Variants in ERC2 observed in about 807,000 individuals in gnomAD.
ERC2 encodes the protein ERC protein 2.
ERC2 carries 42 observed loss-of-function variants against 114.8 expected under a neutral mutation model. That is an observed-to-expected ratio of 0.37 (90% CI 0.29 to 0.47). The LOEUF (loss-of-function observed/expected upper bound fraction) is 0.47, where lower values mean the gene tolerates loss of function less well. Among genes scored for constraint, ERC2 ranks in the 20% least tolerant of loss-of-function variants. The probability of loss-of-function intolerance (pLI) is 0.99; values close to 1 mark genes in which losing one functional copy is unlikely to be tolerated. For synonymous variants in ERC2, 454 were observed against 425.5 expected (o/e 1.07, Z -0.82); for missense variants, 939 against 1,150.7 (o/e 0.82, Z 2.66).
chr3:56,414,700 G>A (rs1354463453), intron 2 of ERC2, among the ~76,000 whole-genome samples: 1 of 150,638 alleles, frequency 6.6e-6, no homozygotes, highest in Non-Finnish European at 1.5e-5. Flanking sequence ...GCTCCACCCA[G>A]GGCGACAGAG....
intron 14 of ERC2, among the ~76,000 whole-genome samples, chr3:55,827,184 T>C (rs17056030): frequency 0.03 from 4,528 of 150,766 alleles, 248 homozygotes; most frequent in African/African-American, 0.1. Flanking sequence ...TATTTAGTCA[T>C]TCCCTCATTG....
At chr3:55,601,063 G>A (rs374295980) in intron 17 of ERC2, among the ~76,000 whole-genome samples, 4 of 152,240 alleles carry the variant, frequency 2.6e-5, no homozygotes, top group South Asian at 4.1e-4. Context: ...TAACACAAAC[G>A]AAGGAAGTGA....
At chr3:56,452,329 T>C (rs971111969) in intron 1 of ERC2, among the ~76,000 whole-genome samples, 2 of 152,174 alleles carry the variant, frequency 1.3e-5, no homozygotes, top group Non-Finnish European at 2.9e-5. Flanking sequence ...ATGAATATGG[T>C]GGGAAAATTG....
intron 17 of ERC2, among the ~76,000 whole-genome samples, chr3:55,539,379 T>TC (rs994397324): frequency 6.6e-6 from 1 of 150,470 alleles, no homozygotes; most frequent in Admixed American, 6.6e-5. Context: ...TCTTTTATTT[T>TC]CTTTTTTCTT....
intron 3 of ERC2, among the ~76,000 whole-genome samples, chr3:56,188,519 G>T (rs1395055523): frequency 6.6e-6 from 1 of 152,192 alleles, no homozygotes; most frequent in Admixed American, 6.5e-5. Flanking sequence ...CTGCAGACAC[G>T]TGCCACACTT....
intron 3 of ERC2, among the ~76,000 whole-genome samples, chr3:56,210,962 A>T (rs2049022255): frequency 6.6e-6 from 1 of 152,174 alleles, no homozygotes. Context: ...TATCACCACC[A>T]AGGGGGCAAA....
intron 12 of ERC2, among the ~76,000 whole-genome samples, chr3:55,954,451 G>A (rs1206610307): frequency 7.2e-5 from 11 of 152,176 alleles, no homozygotes; most frequent in Non-Finnish European, 1.5e-5. Flanking sequence ...TAAGAATAAA[G>A]TGTTCTCTAA....
intron 6 of ERC2, among the ~76,000 whole-genome samples, chr3:56,098,571 T>C (rs559772017): frequency 6.6e-6 from 1 of 152,184 alleles, no homozygotes; most frequent in Non-Finnish European, 1.5e-5. Context: ...AGACTGGTCA[T>C]TGGAAATGTT....
intron 17 of ERC2, among the ~76,000 whole-genome samples, chr3:55,565,471 T>G (rs980909364): frequency 1.3e-5 from 2 of 152,138 alleles, no homozygotes; most frequent in Non-Finnish European, 2.9e-5. Context: ...CCCTTTGCCG[T>G]GCACTTGTCT....
At chr3:56,040,755 T>G (rs939783725) in intron 7 of ERC2, among the ~76,000 whole-genome samples, 6 of 137,598 alleles carry the variant, frequency 4.4e-5, no homozygotes, top group East Asian at 2.2e-4. Flanking sequence ...GAGAGAGATA[T>G]AGATACATAG....
At chr3:55,539,415 C>CTTTTTTTTTTTTTTTTTTTCTTT (rs2054229307) in intron 17 of ERC2, among the ~76,000 whole-genome samples, 1 of 39,092 alleles carries the variant, frequency 2.6e-5, no homozygotes, top group Non-Finnish European at 4.6e-5. Flanking sequence ...TTTTTTCTTT[C>CTTTTTTTTTTTTTTTTTTTCTTT]TTTTTTTTTT....
Position 55,707,282 on chromosome 3 carries a change from A to G in ERC2, c.2713-7770T>C, listed in dbSNP as rs116501789. On this transcript the variant is annotated intron_variant, in intron 15 of 17. Coordinates refer to ENST00000288221, the MANE Select transcript of ERC2 (RefSeq NM_015576.3). ...AACCCCACGTCTACAAAAACAAAATACAAAAAATAAGCTAAGTGTGGTGGT... is the reference window on the plus strand; with the variant it reads ...AACCCCACGTCTACAAAAACAAAATGCAAAAAATAAGCTAAGTGTGGTGGT... Among the ~76,000 whole-genome samples, 130 of 152,274 alleles carry G rather than the reference A, an allele frequency of 8.5e-4. 1 individual carries two copies. Among genetic ancestry groups the G allele is most frequent in the African/African-American group, 3.0e-3 (125 of 41,550 alleles).
In ERC2 at chr3:55,625,518, G is replaced by A. The variant is rs868452134; in HGVS notation, c.*39+58276C>T. Reference sequence around the variant, plus strand: ...TGTAATCCCAGCACTTTGGGAGGCCGAGGCTGATGGATCATGAGGTCAGGA... The same window carrying A: ...TGTAATCCCAGCACTTTGGGAGGCCAAGGCTGATGGATCATGAGGTCAGGA... On this transcript the variant is annotated intron_variant, in intron 17 of 17. Coordinates refer to ENST00000288221, the MANE Select transcript of ERC2 (RefSeq NM_015576.3). Among the ~76,000 whole-genome samples, 155 of 152,136 alleles carry A rather than the reference G, an allele frequency of 1.0e-3. 1 individual carries two copies. Among genetic ancestry groups the A allele is most frequent in the African/African-American group, 3.4e-3 (143 of 41,528 alleles).
At chr3:55,538,947 T>G (rs992288066) in intron 17 of ERC2, among the ~76,000 whole-genome samples, 9 of 152,212 alleles carry the variant, frequency 5.9e-5, no homozygotes, top group Non-Finnish European at 1.3e-4. Context: ...TTTTGAAAGA[T>G]CCACACAATT....
At chr3:56,434,279 T>A in intron 2 of ERC2, 72 bp downstream of exon 2, 4 of 1,431,846 alleles carry the variant, frequency 2.8e-6, no homozygotes, top group Non-Finnish European at 2.9e-6. Context: ...CAGGTCGTGG[T>A]ACCATCTGCA....
intron 3 of ERC2, among the ~76,000 whole-genome samples, chr3:56,230,641 A>C (rs1041864528): frequency 1.3e-5 from 2 of 151,656 alleles, no homozygotes; most frequent in South Asian, 4.2e-4. Flanking sequence ...TTGCTCAGGA[A>C]AAAAAAAAGA....
At chr3:55,910,933 AAC>A (rs1450174854) in intron 13 of ERC2, among the ~76,000 whole-genome samples, 1 of 152,188 alleles carries the variant, frequency 6.6e-6, no homozygotes, top group South Asian at 2.1e-4. Flanking sequence ...TCACTAATTC[AAC>A]ACACTTATTG....
chr3:55,977,131 C>T (rs1036738724), intron 12 of ERC2, among the ~76,000 whole-genome samples: 1 of 152,168 alleles, frequency 6.6e-6, no homozygotes, highest in Non-Finnish European at 1.5e-5. Context: ...AGAAGCTCCC[C>T]AGTTTATATT....
chr3:55,735,521 G>A (rs2065577613), intron 14 of ERC2, among the ~76,000 whole-genome samples: 2 of 152,136 alleles, frequency 1.3e-5, no homozygotes, highest in African/African-American at 4.8e-5. Flanking sequence ...ATAACAACCT[G>A]CTCTCTCAAG....
Sources: gnomAD v4.1 joint callset for allele counts (sites outside exome capture counted in the v4.1 genomes callset) on GRCh38, gnomAD v4.1.1 for gene constraint, MANE v1.5 for transcripts, NCBI Gene and HGNC (gene_info 2026-07-23, HGNC 2026-07-21) for gene names.